ZNF804B: variants seen among roughly 807,000 people sequenced by gnomAD.
The protein encoded by ZNF804B is zinc finger 804B.
ZNF804B carries 80 observed loss-of-function variants against 101.4 expected under a neutral mutation model. The ratio of observed to expected loss-of-function variants is 0.79; its 90% CI spans 0.66 to 0.95. The LOEUF (loss-of-function observed/expected upper bound fraction) is 0.95, where lower values mean the gene tolerates loss of function less well. ZNF804B is among the 40% of genes least tolerant of loss of function. The pLI, the probability that ZNF804B is intolerant of heterozygous loss-of-function variation, is 0.00. For synonymous variants in ZNF804B, 622 were observed against 558.8 expected (o/e 1.11, Z -1.59); for missense variants, 1,673 against 1,561.9 (o/e 1.07, Z -1.20).
chr7:88,841,571 T>A (rs1791292662), intron 1 of ZNF804B, among the ~76,000 whole-genome samples: 1 of 152,174 alleles, frequency 6.6e-6, no homozygotes, highest in Non-Finnish European at 1.5e-5. Flanking sequence ...GCTCTTCCTT[T>A]GGCTGATTTC....
At chr7:89,259,326 T>A (rs190433760) in intron 2 of ZNF804B, among the ~76,000 whole-genome samples, 1 of 152,332 alleles carries the variant, frequency 6.6e-6, no homozygotes, top group East Asian at 1.9e-4. Context: ...TTAGTTTTGT[T>A]TTTGGTTTTT....
chr7:89,049,924 A>T (rs139860881), intron 1 of ZNF804B, among the ~76,000 whole-genome samples: 1 of 152,170 alleles, frequency 6.6e-6, no homozygotes, highest in Non-Finnish European at 1.5e-5. Flanking sequence ...AGGCAGGAGA[A>T]TCACTTGAAC....
chr7:89,007,820 C>G (rs1788393299), intron 1 of ZNF804B, among the ~76,000 whole-genome samples: 1 of 150,786 alleles, frequency 6.6e-6, no homozygotes, highest in South Asian at 2.1e-4. Context: ...ATCTTAGGAC[C>G]AGCTCAAAGG....
chr7:89,240,314 G>T (rs976261932), intron 2 of ZNF804B, among the ~76,000 whole-genome samples: 2 of 152,026 alleles, frequency 1.3e-5, no homozygotes, highest in Admixed American at 6.6e-5. Context: ...GTCTGATACT[G>T]CAATAGAAAG....
intron 1 of ZNF804B, among the ~76,000 whole-genome samples, chr7:89,109,508 C>G (rs1790182642): frequency 1.3e-5 from 2 of 152,134 alleles, no homozygotes; most frequent in African/African-American, 4.8e-5. Flanking sequence ...ATAACACAGC[C>G]CTTTGCACCC....
At chr7:89,123,410 A>G (rs967193304) in intron 1 of ZNF804B, among the ~76,000 whole-genome samples, 1 of 152,250 alleles carries the variant, frequency 6.6e-6, no homozygotes, top group East Asian at 1.9e-4. Flanking sequence ...GATCAGATGT[A>G]TTACAGATGC....
chr7:89,015,786 G>A (rs1192665905), intron 1 of ZNF804B, among the ~76,000 whole-genome samples: 14 of 152,174 alleles, frequency 9.2e-5, no homozygotes, highest in South Asian at 8.3e-4. Context: ...GAATAGTGCC[G>A]CAATAAACAT....
At chr7:89,268,829 T>C (rs1789839381) in intron 2 of ZNF804B, among the ~76,000 whole-genome samples, 2 of 152,054 alleles carry the variant, frequency 1.3e-5, no homozygotes, top group Non-Finnish European at 2.9e-5. Context: ...TCCTCATACA[T>C]ATAAACACTT....
intron 1 of ZNF804B, among the ~76,000 whole-genome samples, chr7:88,772,899 G>A (rs1790090270): frequency 6.6e-6 from 1 of 152,122 alleles, no homozygotes; most frequent in Non-Finnish European, 1.5e-5. Flanking sequence ...AAAGGTGGGG[G>A]GAAGGTCTTG....
intron 1 of ZNF804B, among the ~76,000 whole-genome samples, chr7:88,936,208 C>G (rs1485774180): frequency 6.6e-6 from 1 of 151,896 alleles, no homozygotes; most frequent in African/African-American, 2.4e-5. Context: ...CAATGATGTT[C>G]CCAGCATTAC....
At chr7:89,075,691 G>C (rs1789606905) in intron 1 of ZNF804B, among the ~76,000 whole-genome samples, 1 of 152,084 alleles carries the variant, frequency 6.6e-6, no homozygotes, top group Admixed American at 6.6e-5. Flanking sequence ...TGAGAAGAAG[G>C]CCACAATCCT....
At chr7:89,070,160 G>T (rs950927917) in intron 1 of ZNF804B, among the ~76,000 whole-genome samples, 2 of 152,174 alleles carry the variant, frequency 1.3e-5, no homozygotes, top group African/African-American at 4.8e-5. Context: ...AAGTGGCAAG[G>T]CACATTAGAA....
chr7:88,760,646 A>G (rs1047391651), intron 1 of ZNF804B, among the ~76,000 whole-genome samples: 1 of 152,076 alleles, frequency 6.6e-6, no homozygotes, highest in Non-Finnish European at 1.5e-5. Context: ...TGAGTTGGAT[A>G]ATTTATTGTA....
intron 2 of ZNF804B, among the ~76,000 whole-genome samples, chr7:89,296,060 G>A (rs970546365): frequency 2.0e-5 from 3 of 152,030 alleles, no homozygotes; most frequent in Admixed American, 6.6e-5. Flanking sequence ...TGCACTACTT[G>A]GGTGATAGGT....
chr7:88,994,547 A>G (rs192156711), intron 1 of ZNF804B, among the ~76,000 whole-genome samples: 2 of 152,094 alleles, frequency 1.3e-5, no homozygotes, highest in Admixed American at 1.3e-4. Flanking sequence ...TGGCTACTTA[A>G]GTCACTAATT....
chr7:88,955,823 A>G (rs1793297584), intron 1 of ZNF804B, among the ~76,000 whole-genome samples: 1 of 151,758 alleles, frequency 6.6e-6, no homozygotes, highest in Non-Finnish European at 1.5e-5. Flanking sequence ...AACCTGCTGA[A>G]TGGGAGAAAA....
chr7:88,863,839 G>A (rs1020931908), intron 1 of ZNF804B, among the ~76,000 whole-genome samples: 2 of 152,200 alleles, frequency 1.3e-5, no homozygotes, highest in South Asian at 2.1e-4. Flanking sequence ...GCAGTTGGAA[G>A]AAGAAGACCA....
chr7:89,167,561 G>T (rs1019960658), intron 1 of ZNF804B, among the ~76,000 whole-genome samples: 1 of 152,180 alleles, frequency 6.6e-6, no homozygotes, highest in African/African-American at 2.4e-5. Context: ...CTTGAAAAAT[G>T]AAGTTGGAAT....
intron 1 of ZNF804B, among the ~76,000 whole-genome samples, chr7:89,067,897 C>A (rs773258419): frequency 6.6e-6 from 1 of 150,442 alleles, no homozygotes; most frequent in Admixed American, 6.6e-5. Context: ...CAAGCTCCAC[C>A]TCCCAGGTTC....
Sources: gnomAD v4.1 joint callset for allele counts (sites outside exome capture counted in the v4.1 genomes callset) on GRCh38, gnomAD v4.1.1 for gene constraint, MANE v1.5 for transcripts, NCBI Gene and HGNC (gene_info 2026-07-23, HGNC 2026-07-21) for gene names.